The following SLC9A9 variants were observed in gnomAD, a reference collection of about 807,000 sequenced individuals.
SLC9A9 encodes the protein solute carrier family 9 member A9, also known as sodium/hydrogen exchanger 9.
Under a neutral mutation model 77.8 loss-of-function variants are expected in SLC9A9, and 62 were observed. That is an observed-to-expected ratio of 0.80 (90% CI 0.65 to 0.98). The LOEUF (loss-of-function observed/expected upper bound fraction) is 0.98. SLC9A9 is among the 50% of genes least tolerant of loss of function. The probability of loss-of-function intolerance (pLI) is 0.00; values close to 1 mark genes in which losing one functional copy is unlikely to be tolerated. For synonymous variants in SLC9A9, 320 were observed against 283.5 expected (o/e 1.13, Z -1.29); for missense variants, 775 against 774.9 (o/e 1.00, Z 0.00).
intron 4 of SLC9A9, among the ~76,000 whole-genome samples, chr3:143,708,874 C>T (rs149209383): frequency 1.0e-3 from 158 of 152,272 alleles, no homozygotes; most frequent in Non-Finnish European, 1.7e-3. Flanking sequence ...GTGCAAATAA[C>T]TGACTACTAA....
At chr3:143,847,974 G>C (rs1576769589) in intron 1 of SLC9A9, 174 bp downstream of exon 1, 1 of 676,362 alleles carries the variant, frequency 1.5e-6, no homozygotes, top group East Asian at 2.7e-5. Context: ...GGCAAATTTC[G>C]GCGGCTTGTC....
intron 4 of SLC9A9, among the ~76,000 whole-genome samples, chr3:143,704,805 C>T (rs879345602): frequency 2.6e-5 from 4 of 151,986 alleles, no homozygotes; most frequent in Non-Finnish European, 5.9e-5. Flanking sequence ...CCAGCCTGAC[C>T]AACATGGAGA....
chr3:143,651,364 T>C (rs917320173), intron 6 of SLC9A9, among the ~76,000 whole-genome samples: 2 of 152,172 alleles, frequency 1.3e-5, no homozygotes, highest in Admixed American at 1.3e-4. Context: ...AAATGTCAAC[T>C]GGCAAAAAGA....
At chr3:143,441,921 T>A (rs563975270) in intron 12 of SLC9A9, among the ~76,000 whole-genome samples, 48 of 151,672 alleles carry the variant, frequency 3.2e-4, no homozygotes, top group Non-Finnish European at 5.7e-4. Context: ...TCCAGCCACC[T>A]ACCCACTTAA....
intron 7 of SLC9A9, among the ~76,000 whole-genome samples, chr3:143,577,610 C>T (rs991540523): frequency 1.3e-5 from 2 of 152,170 alleles, no homozygotes; most frequent in African/African-American, 4.8e-5. Context: ...CTAAGCCTGT[C>T]ACTCACTGAG....
intron 12 of SLC9A9, 101 bp from the exon 13 acceptor site, chr3:143,382,215 A>G: frequency 1.6e-6 from 2 of 1,278,826 alleles, no homozygotes; most frequent in Non-Finnish European, 1.1e-6. Context: ...TGAATCTGAG[A>G]AAAGATTTGG....
chr3:143,271,556 T>C (rs1277554529), intron 14 of SLC9A9, among the ~76,000 whole-genome samples: 1 of 152,216 alleles, frequency 6.6e-6, no homozygotes, highest in Non-Finnish European at 1.5e-5. Flanking sequence ...AAAACGATAC[T>C]GAAGGTAGAG....
chr3:143,302,266 G>A (rs888482375), intron 14 of SLC9A9, among the ~76,000 whole-genome samples: 4 of 152,154 alleles, frequency 2.6e-5, no homozygotes, highest in Non-Finnish European at 4.4e-5. Flanking sequence ...GTATATACAG[G>A]CAATAGGCTT....
rs569064539 is a variant in SLC9A9 at position 143,465,017 on chromosome 3, C to G, written c.1469+2020G>C. 3.9e-5 allele frequency among the ~76,000 whole-genome samples: 6 copies of G among 152,336 alleles called. No homozygotes were observed. In the South Asian group the frequency reaches 1.2e-3, roughly 32 times the overall value. ...TGAGATCATCAACTTGCTCACTAGA[C>G]TGGAACCCTGTCAGCTCAATTCCCT... On this transcript the variant is annotated intron_variant, in intron 12 of 15. Coordinates refer to ENST00000316549, the MANE Select transcript of SLC9A9 (RefSeq NM_173653.4).
At chr3:143,398,494 A>G (rs963451047) in intron 12 of SLC9A9, among the ~76,000 whole-genome samples, 3 of 152,214 alleles carry the variant, frequency 2.0e-5, no homozygotes, top group African/African-American at 4.8e-5. Flanking sequence ...ACTAGGTAAT[A>G]TTCATGTATT....
intron 14 of SLC9A9, among the ~76,000 whole-genome samples, chr3:143,314,763 C>T (rs2031145353): frequency 6.6e-6 from 1 of 152,188 alleles, no homozygotes; most frequent in South Asian, 2.1e-4. Context: ...CAGGCAAATG[C>T]CCTGGCACTG....
chr3:143,760,137 A>G (rs1220235722), intron 4 of SLC9A9, among the ~76,000 whole-genome samples: 2 of 152,154 alleles, frequency 1.3e-5, no homozygotes, highest in Non-Finnish European at 2.9e-5. Flanking sequence ...TGGTTAAAAA[A>G]ATAATAACCG....
intron 9 of SLC9A9, among the ~76,000 whole-genome samples, chr3:143,518,949 G>A (rs560360220): frequency 6.6e-6 from 1 of 152,328 alleles, no homozygotes; most frequent in Non-Finnish European, 1.5e-5. Context: ...TCTACCTGTA[G>A]TATGTAAACA....
intron 4 of SLC9A9, among the ~76,000 whole-genome samples, chr3:143,701,474 G>T (rs1300655653): frequency 6.6e-6 from 1 of 152,066 alleles, no homozygotes; most frequent in Non-Finnish European, 1.5e-5. Flanking sequence ...TAATTAAAAA[G>T]AATGAAATAG....
intron 1 of SLC9A9, among the ~76,000 whole-genome samples, chr3:143,847,284 G>C (rs1039558654): frequency 6.6e-6 from 1 of 152,182 alleles, no homozygotes; most frequent in African/African-American, 2.4e-5. Flanking sequence ...CCATTATCAG[G>C]CTGAGATAAG....
At chr3:143,351,232 ATT>A (rs765424231) in intron 14 of SLC9A9, among the ~76,000 whole-genome samples, 2 of 152,210 alleles carry the variant, frequency 1.3e-5, no homozygotes, top group Non-Finnish European at 2.9e-5. Flanking sequence ...CTAGTCTACT[ATT>A]TATTAAGAAG....
intron 11 of SLC9A9, among the ~76,000 whole-genome samples, chr3:143,489,109 T>C (rs555745673): frequency 6.6e-6 from 1 of 151,956 alleles, no homozygotes; most frequent in East Asian, 1.9e-4. Context: ...AATCTAAAAT[T>C]AAAATTATGA....
chr3:143,330,748 T>A (rs2031742569), intron 14 of SLC9A9, among the ~76,000 whole-genome samples: 1 of 152,258 alleles, frequency 6.6e-6, no homozygotes, highest in Non-Finnish European at 1.5e-5. Context: ...TGACTTTTAA[T>A]TAAGCATATT....
chr3:143,543,232 A>T (rs1419397863), intron 9 of SLC9A9, among the ~76,000 whole-genome samples: 1 of 152,116 alleles, frequency 6.6e-6, no homozygotes, highest in East Asian at 1.9e-4. Flanking sequence ...ATCTGGACTT[A>T]CCTTTCCTTT....
Sources: gnomAD v4.1 joint callset for allele counts (sites outside exome capture counted in the v4.1 genomes callset) on GRCh38, gnomAD v4.1.1 for gene constraint, MANE v1.5 for transcripts, NCBI Gene and HGNC (gene_info 2026-07-23, HGNC 2026-07-21) for gene names.